HTRA1: variants seen among roughly 807,000 people sequenced by gnomAD.
The protein encoded by HTRA1 is HtrA serine peptidase 1.
Under a neutral mutation model 49.7 loss-of-function variants are expected in HTRA1, and 26 were observed. The observed-to-expected ratio is 0.52, with a 90% CI of 0.38 to 0.73. The LOEUF (loss-of-function observed/expected upper bound fraction) is 0.73. Among genes scored for constraint, HTRA1 ranks in the 30% least tolerant of loss-of-function variants. HTRA1 has a pLI of 0.00. For synonymous variants in HTRA1, 291 were observed against 286.9 expected, an observed-to-expected ratio of 1.01 and a Z score of -0.14; for missense variants, 561 against 667.2, an observed-to-expected ratio of 0.84 and a Z score of 1.75.
intron 1 of HTRA1, among the ~76,000 whole-genome samples, chr10:122,463,590 ACC>A (rs2097482538): frequency 6.6e-6 from 1 of 151,506 alleles, no homozygotes; most frequent in Non-Finnish European, 1.5e-5. Context: ...GCAGCCTCCG[ACC>A]CCTGGGCTCA....
chr10:122,514,591 G>T lies in HTRA1; in HGVS notation c.*232G>T. On this transcript the variant is annotated 3_prime_UTR_variant, in exon 9 of 9. Coordinates refer to ENST00000368984, the MANE Select transcript of HTRA1 (RefSeq NM_002775.5). ...CCCTTCTGTATCCTATGTATGCAGT[G>T]TGCTTTTTCTTGCCAGCTTGGGCCA... 3.7e-6 allele frequency: 2 copies of T among 540,042 alleles called. No individual in the cohort carries two copies. Among genetic ancestry groups the T allele is most frequent in the Non-Finnish European group, 6.7e-6 (2 of 298,898 alleles). 33.5% of individuals were successfully genotyped at this position (540,042 alleles called of 1,614,324 possible).
At chr10:122,468,586 G>C (rs547839145) in intron 1 of HTRA1, among the ~76,000 whole-genome samples, 1 of 152,212 alleles carries the variant, frequency 6.6e-6, no homozygotes, top group South Asian at 2.1e-4. Flanking sequence ...GAGCTGACTC[G>C]GAATTTGCCA....
intron 3 of HTRA1, among the ~76,000 whole-genome samples, chr10:122,505,133 G>A (rs918767251): frequency 1.3e-5 from 2 of 152,192 alleles, no homozygotes; most frequent in Non-Finnish European, 2.9e-5. Flanking sequence ...GACCATTGAG[G>A]TAGCTGTACG....
chr10:122,501,200 C>T (rs766118076), intron 3 of HTRA1, among the ~76,000 whole-genome samples: 9 of 152,146 alleles, frequency 5.9e-5, no homozygotes, highest in Admixed American at 3.3e-4. Flanking sequence ...CCTGGCAGAG[C>T]GGGAGAAGCT....
In HTRA1 at chr10:122,461,705, C is replaced by G; in HGVS notation, c.53C>G (p.Ala18Gly). 7.7e-7 allele frequency: 1 copy of G among 1,293,216 alleles called. No homozygotes were observed. The allele number at this position is 1,293,216 out of a possible 1,614,324, so 80.1% of individuals were successfully genotyped here. Reference sequence around the variant, plus strand: ...CCGCTGCTGCTGCTGCTGCTGGCGGCGCCCGCCTCGGCGCAGCTGTCCCGG... The same window carrying G: ...CCGCTGCTGCTGCTGCTGCTGGCGGGGCCCGCCTCGGCGCAGCTGTCCCGG... Reference protein sequence around the residue: ...LLPLLLLLLAAPASAQLSRAG... With the variant: ...LLPLLLLLLAGPASAQLSRAG... Residue 18 changes from alanine to glycine, a missense_variant, in exon 1 of 9, where the codon GCG becomes GGG. Physicochemically the swap from Ala to Gly is moderately conservative, Grantham distance 60. Transcript: ENST00000368984.
At position 122,490,325 on chromosome 10, in the gene HTRA1, C is replaced by A. The variant is rs2097495162; in HGVS notation, c.777+699C>A. On this transcript the variant is annotated intron_variant, in intron 3 of 8. Coordinates refer to ENST00000368984, the MANE Select transcript of HTRA1 (RefSeq NM_002775.5). The surrounding 1 kb of genome is among the most constrained non-coding windows in gnomAD (Gnocchi z 4.2). ...GGGGGCAGGCAGAACTGAGACATACCAAAATCAGTTTGGGAAATGCTGTAT... is the reference window on the plus strand; with the variant it reads ...GGGGGCAGGCAGAACTGAGACATACAAAAATCAGTTTGGGAAATGCTGTAT... Among the ~76,000 whole-genome samples the A allele has an allele frequency of 6.6e-6, 1 of 152,094 alleles. No homozygotes were observed. The highest frequency in any genetic ancestry group is 1.5e-5 in the Non-Finnish European group (1 of 68,030).
intron 8 of HTRA1, 24 bp from the exon 9 acceptor site, chr10:122,514,167 A>G (rs2097506887): frequency 1.2e-6 from 2 of 1,610,968 alleles, no homozygotes; most frequent in Non-Finnish European, 8.5e-7. Context: ...AAACATTGCC[A>G]TTGTGTTTCC....
Position 122,511,759 on chromosome 10 carries a change from T to A in HTRA1, c.1179-211T>A, listed in dbSNP as rs988465365. Among the ~76,000 whole-genome samples the A allele has an allele frequency of 6.9e-3, 812 of 117,592 alleles. 7 individuals carry two copies. Among genetic ancestry groups the A allele is most frequent in the African/African-American group, 0.02 (699 of 35,808 alleles). The allele number at this position is 117,592 out of a possible 152,430, so 77.1% of individuals were successfully genotyped here. A position where few individuals can be genotyped will look rare whatever the true frequency, so the allele number is the denominator to read the frequency against. ...AAAAAAAAAAAATAAATAAAAAAAATAAATAAATAATAAAGCACTTTCCTT... is the reference window on the plus strand; with the variant it reads ...AAAAAAAAAAAATAAATAAAAAAAAAAAATAAATAATAAAGCACTTTCCTT... On this transcript the variant is annotated intron_variant, in intron 7 of 8. Coordinates refer to ENST00000368984, the MANE Select transcript of HTRA1 (RefSeq NM_002775.5).
In HTRA1 at chr10:122,461,728, C is replaced by T. The variant is rs1221335148; in HGVS notation, c.76C>T (p.Arg26Trp). 8 of 1,181,404 alleles carry T rather than the reference C, an allele frequency of 6.8e-6. No homozygotes were observed. Among genetic ancestry groups the T allele is most frequent in the South Asian group, 2.1e-5 (1 of 48,322 alleles). The allele number at this position is 1,181,404 out of a possible 1,614,324, so 73.2% of individuals were successfully genotyped here. Reference protein sequence around the residue: ...LAAPASAQLSRAGRSAPLAAG... With the variant: ...LAAPASAQLSWAGRSAPLAAG... ...GGCGCCCGCCTCGGCGCAGCTGTCC[C>T]GGGCCGGCCGCTCGGCGCCTTTGGC... is the stretch of plus-strand genomic sequence containing the variant. The change falls in exon 1 of 9, where the codon CGG becomes TGG. Residue 26 changes from arginine (R) to tryptophan (W), a missense_variant. Physicochemically the swap from Arg to Trp is moderately radical, Grantham distance 101. Coordinates refer to ENST00000368984, the MANE Select transcript of HTRA1 (RefSeq NM_002775.5).
chr10:122,471,891 C>T (rs997823161), intron 1 of HTRA1, among the ~76,000 whole-genome samples: 5 of 152,158 alleles, frequency 3.3e-5, no homozygotes, highest in Admixed American at 3.3e-4. Context: ...TCTCTCTAAT[C>T]AAAATGAGGT....
At chr10:122,508,387 C>T (rs749054918) in intron 5 of HTRA1, among the ~76,000 whole-genome samples, 32 of 152,250 alleles carry the variant, frequency 2.1e-4, no homozygotes, top group Non-Finnish European at 3.4e-4. Context: ...CAAATCATAT[C>T]GTGCATTTTG....
intron 1 of HTRA1, among the ~76,000 whole-genome samples, chr10:122,466,495 T>C (rs886964290): frequency 6.6e-6 from 1 of 152,174 alleles, no homozygotes; most frequent in Non-Finnish European, 1.5e-5. Context: ...GGTGACTCTT[T>C]CGTGGGAACC....
At chr10:122,468,528 T>A (rs1490455196) in intron 1 of HTRA1, among the ~76,000 whole-genome samples, 2 of 151,516 alleles carry the variant, frequency 1.3e-5, no homozygotes, top group East Asian at 3.9e-4. Context: ...GGTGGGTGGG[T>A]TAGGAAATCT....
At chr10:122,497,998 A>G (rs1336311235) in intron 3 of HTRA1, among the ~76,000 whole-genome samples, 1 of 152,202 alleles carries the variant, frequency 6.6e-6, no homozygotes, top group African/African-American at 2.4e-5. Context: ...CACTGTTGAC[A>G]TTTTGTGGTT....
chr10:122,511,370 C>T (rs908346495), intron 7 of HTRA1, among the ~76,000 whole-genome samples: 2 of 152,196 alleles, frequency 1.3e-5, no homozygotes, highest in Non-Finnish European at 2.9e-5. Context: ...CGAGCTAGGG[C>T]TGCAAACCAG....
intron 1 of HTRA1, among the ~76,000 whole-genome samples, chr10:122,476,227 T>C (rs1336526552): frequency 6.6e-6 from 1 of 152,216 alleles, no homozygotes; most frequent in African/African-American, 2.4e-5. Flanking sequence ...AAATGCAGCC[T>C]ACGTGCTGTC....
intron 1 of HTRA1, among the ~76,000 whole-genome samples, chr10:122,477,069 G>A (rs1185012038): frequency 6.8e-6 from 1 of 147,922 alleles, no homozygotes; most frequent in Non-Finnish European, 1.5e-5. Flanking sequence ...CCAGGTTCAC[G>A]CCATTCTCCT....
intron 3 of HTRA1, among the ~76,000 whole-genome samples, chr10:122,500,578 C>A (rs1447733748): frequency 1.3e-5 from 2 of 152,184 alleles, no homozygotes; most frequent in African/African-American, 2.4e-5. Flanking sequence ...GGACAGTGTT[C>A]TCTCAGCATA....
At position 122,497,899 on chromosome 10, in the gene HTRA1, G is replaced by T. The variant is rs529488176; in HGVS notation, c.777+8273G>T. Among the ~76,000 whole-genome samples the T allele has an allele frequency of 7.2e-5, 11 of 152,308 alleles. No homozygotes were observed. In the South Asian group the frequency reaches 2.3e-3, roughly 32 times the overall value. ...ATCAAAGGCGCTGATGTATGGAGGA[G>T]ACGCAAGTTAGACTTGACCAAGACA... On this transcript the variant is annotated intron_variant, in intron 3 of 8. Transcript: ENST00000368984.
Sources: allele counts gnomAD v4.1 joint callset (sites outside exome capture counted in the v4.1 genomes callset), GRCh38; gene constraint gnomAD v4.1.1; non-coding constraint Gnocchi (gnomAD v3.1); transcripts MANE v1.5; gene names NCBI Gene and HGNC (gene_info 2026-07-23, HGNC 2026-07-21).